The following NCOR2 variants were observed in gnomAD, a reference collection of about 807,000 sequenced individuals.
The protein encoded by NCOR2 is CTG repeat protein 26.
In NCOR2, 81 loss-of-function variants were observed where a neutral mutation model predicts 262.9. That is an observed-to-expected ratio of 0.31 (90% CI 0.26 to 0.37). NCOR2 has a LOEUF of 0.37. Among genes scored for constraint, NCOR2 ranks in the 10% least tolerant of loss-of-function variants. The probability of loss-of-function intolerance (pLI) is 1.00; values close to 1 mark genes in which losing one functional copy is unlikely to be tolerated. For synonymous variants in NCOR2, 1,659 were observed against 1,559.3 expected, an observed-to-expected ratio of 1.06 and a Z score of -1.51; for missense variants, 3,385 against 3,621.4, an observed-to-expected ratio of 0.93 and a Z score of 1.68.
exon 22 of NCOR2, chr12:124,362,166 C>T: frequency 7.6e-7 from 1 of 1,308,222 alleles, no homozygotes; most frequent in Non-Finnish European, 9.7e-7. Context: ...TGCTCTTGCC[C>T]CGGGGGCTGC....
intron 5 of NCOR2, among the ~76,000 whole-genome samples, chr12:124,464,688 A>G (rs1243293159): frequency 6.6e-6 from 1 of 152,238 alleles, no homozygotes; most frequent in Non-Finnish European, 1.5e-5. Flanking sequence ...TCCTAAGGGC[A>G]CTAGGAAATT....
intron 34 of NCOR2, among the ~76,000 whole-genome samples, chr12:124,341,161 G>A (rs2135821809): frequency 6.6e-6 from 1 of 152,292 alleles, no homozygotes; most frequent in East Asian, 1.9e-4. Context: ...TCTGAGGATG[G>A]CCCTGGAACG....
chr12:124,470,395 C>CTG (rs757566451), intron 4 of NCOR2, among the ~76,000 whole-genome samples: 1 of 152,202 alleles, frequency 6.6e-6, no homozygotes, highest in Non-Finnish European at 1.5e-5. Context: ...CCAACAAAAA[C>CTG]TTCAACACAA....
At chr12:124,335,309 G>GT in intron 39 of NCOR2, 29 bp from the exon 42 acceptor site, 1 of 1,549,394 alleles carries the variant, frequency 6.5e-7, no homozygotes. Flanking sequence ...TGGTCAGGGG[G>GT]TGTCTGCTGG....
chr12:124,483,569 A>G lies in NCOR2; in HGVS notation c.411+27T>C. ...GCAGCAGAACCTCAAGCGGGAGAGGAGCTCCCAGCTGGGGGCCCAGGCTTA... is the reference window on the plus strand; with the variant it reads ...GCAGCAGAACCTCAAGCGGGAGAGGGGCTCCCAGCTGGGGGCCCAGGCTTA... On this transcript the variant is annotated intron_variant, in intron 3 of 46. Transcript: ENST00000405201. The surrounding 1 kb of genome is among the most constrained non-coding windows in gnomAD (Gnocchi z 6.3). 6.5e-7 allele frequency: 1 copy of G among 1,528,316 alleles called. No individual in the cohort carries two copies. The highest frequency in any genetic ancestry group is 8.8e-7 in the Non-Finnish European group (1 of 1,137,676). The allele number at this position is 1,528,316 out of a possible 1,614,324, so 94.7% of individuals were successfully genotyped here.
chr12:124,465,654 C>A (rs1203889097), intron 5 of NCOR2, among the ~76,000 whole-genome samples: 1 of 152,126 alleles, frequency 6.6e-6, no homozygotes, highest in Non-Finnish European at 1.5e-5. Context: ...AGGTTCAAAT[C>A]CAGGTCCAAT....
rs536737795 is a variant in NCOR2 at position 124,472,867 on chromosome 12, T to C, written c.591+85A>G. ...GAGCACCCAGGAACTTGGGAAGGGC[T>C]TGGCACATGTCTGTGACACCGCTGT... On this transcript the variant is annotated intron_variant, in intron 4 of 46. Coordinates refer to ENST00000405201, the Ensembl canonical transcript of NCOR2. 7.9e-5 allele frequency: 124 copies of C among 1,572,368 alleles called. No individual in the cohort carries two copies. In the South Asian group the frequency reaches 1.4e-3, roughly 17 times the overall value.
At chr12:124,347,676 C>G (rs1430643351) in intron 30 of NCOR2, 149 bp downstream of exon 32, 3 of 737,506 alleles carry the variant, frequency 4.1e-6, no homozygotes, top group Admixed American at 5.1e-5. Flanking sequence ...CTCCGTAGCT[C>G]ACGTACTGAT....
At chr12:124,339,979 C>A in intron 37 of NCOR2, 27 bp downstream of exon 39, 1 of 1,609,478 alleles carries the variant, frequency 6.2e-7, no homozygotes, top group Non-Finnish European at 8.5e-7. Flanking sequence ...ACCTGCCCGC[C>A]CCCTCCCCCA....
chr12:124,531,036 G>C lies in NCOR2; in HGVS notation c.-118+4529C>G, dbSNP rs1289322850. 6.6e-6 allele frequency among the ~76,000 whole-genome samples: 1 copy of C among 152,160 alleles called. No homozygotes were observed. Among genetic ancestry groups the C allele is most frequent in the South Asian group, 2.1e-4 (1 of 4,828 alleles). Reference sequence around the variant, plus strand: ...GATGCCTGCTGTCCGGACAGGACACGGTTCCTGGGCTCCACCCAACCCGCC... The same window carrying C: ...GATGCCTGCTGTCCGGACAGGACACCGTTCCTGGGCTCCACCCAACCCGCC... On this transcript the variant is annotated intron_variant, in intron 1 of 46. Transcript: ENST00000404621. The surrounding 1 kb of genome is among the most constrained non-coding windows in gnomAD (Gnocchi z 4.5).
At chr12:124,520,781 C>A (rs977560439) in intron 1 of NCOR2, among the ~76,000 whole-genome samples, 3 of 152,304 alleles carry the variant, frequency 2.0e-5, no homozygotes, top group Middle Eastern at 3.4e-3. Flanking sequence ...CCTTCGACGG[C>A]GACCACCCCT....
At chr12:124,369,552 C>T (rs528836495) in intron 20 of NCOR2, among the ~76,000 whole-genome samples, 1 of 152,208 alleles carries the variant, frequency 6.6e-6, no homozygotes, top group Admixed American at 6.5e-5. Flanking sequence ...CGTCCTCCAG[C>T]GTCCGCCCGG....
chr12:124,334,981 C>T, intron 40 of NCOR2, 154 bp downstream of exon 42: 2 of 1,165,186 alleles, frequency 1.7e-6, no homozygotes, highest in East Asian at 2.4e-5. Flanking sequence ...TGGGATCTCA[C>T]CCTCACCCAC....
chr12:124,325,381 C>CGGGG, exon 47 of NCOR2: 2 of 380,674 alleles, frequency 5.3e-6, no homozygotes, highest in Non-Finnish European at 8.3e-6. Flanking sequence ...GACACCGCCC[C>CGGGG]CCCCCCCGCC....
rs945847037 is a variant in NCOR2 at position 124,332,336 on chromosome 12, C to T, written c.6887G>A (p.Arg2296Gln). Residue 2296 changes from arginine (R) to glutamine (Q), a missense_variant, in exon 43 of 47, where the codon CGG becomes CAG. Physicochemically the swap from Arg to Gln is conservative, Grantham distance 43. Transcript: ENST00000405201. ...CCCCTTACTGTATTCAGGCTCATTC[C>T]GGTTGTGGGTGTTCAGCTTCTTGTT... 54 of 1,614,182 alleles carry T rather than the reference C, an allele frequency of 3.3e-5. No homozygotes were observed. In the Middle Eastern group the frequency reaches 6.6e-4, roughly 20 times the overall value.
At chr12:124,407,365 CA>C (rs2042333405) in intron 13 of NCOR2, among the ~76,000 whole-genome samples, 2 of 152,244 alleles carry the variant, frequency 1.3e-5, no homozygotes, top group African/African-American at 2.4e-5. Flanking sequence ...TTTGGCAGAG[CA>C]GGAGGCCTCT....
chr12:124,516,249 G>A (rs973245466), intron 1 of NCOR2, among the ~76,000 whole-genome samples: 3 of 152,206 alleles, frequency 2.0e-5, no homozygotes, highest in African/African-American at 7.2e-5. Flanking sequence ...CAGGACGGCT[G>A]CCACCTTCTG....
At chr12:124,369,680 G>A (rs923402296) in intron 20 of NCOR2, among the ~76,000 whole-genome samples, 2 of 152,172 alleles carry the variant, frequency 1.3e-5, no homozygotes, top group African/African-American at 4.8e-5. Flanking sequence ...CCCCAAGGGC[G>A]GGGGCCTGGG....
chr12:124,462,146 C>A (rs2046197476), intron 5 of NCOR2, among the ~76,000 whole-genome samples: 1 of 152,236 alleles, frequency 6.6e-6, no homozygotes. Flanking sequence ...ACCACACATA[C>A]ATCCACCCGT....
Sources: gnomAD v4.1 joint callset for allele counts (sites outside exome capture counted in the v4.1 genomes callset) on GRCh38, gnomAD v4.1.1 for gene constraint, Gnocchi (gnomAD v3.1) non-coding constraint, MANE v1.5 for transcripts, NCBI Gene and HGNC (gene_info 2026-07-23, HGNC 2026-07-21) for gene names.